SHANK2: variants seen among roughly 807,000 people sequenced by gnomAD.
The protein encoded by SHANK2 is SH3 and multiple ankyrin repeat domains 2, also known as SH3 and multiple ankyrin repeat domains protein 2.
SHANK2 carries 43 observed loss-of-function variants against 133.7 expected under a neutral mutation model. That is an observed-to-expected ratio of 0.32 (90% CI 0.25 to 0.41). The LOEUF (loss-of-function observed/expected upper bound fraction) is 0.41. Ranked by LOEUF, SHANK2 falls within the 10% of genes least tolerant of loss-of-function variation. The pLI is 1.00. For synonymous variants in SHANK2, 1,017 were observed against 952.8 expected, an observed-to-expected ratio of 1.07 and a Z score of -1.24; for missense variants, 1,994 against 2,235.8, an observed-to-expected ratio of 0.89 and a Z score of 2.18.
At chr11:70,931,987 T>C (rs538785628) in intron 10 of SHANK2, among the ~76,000 whole-genome samples, 34 of 152,322 alleles carry the variant, frequency 2.2e-4, no homozygotes, top group African/African-American at 8.2e-4. Flanking sequence ...AGCCTCTACG[T>C]GCAGTATTTA....
At chr11:71,165,251 C>G (rs1409819085) in intron 2 of SHANK2, among the ~76,000 whole-genome samples, 2 of 152,132 alleles carry the variant, frequency 1.3e-5, no homozygotes, top group Non-Finnish European at 2.9e-5. Context: ...TCAGGCTGGA[C>G]TTGAACTCCT....
chr11:70,791,036 C>G (rs1026036642), intron 14 of SHANK2, among the ~76,000 whole-genome samples: 1 of 152,140 alleles, frequency 6.6e-6, no homozygotes, highest in Non-Finnish European at 1.5e-5. Flanking sequence ...CAGAAGAGAC[C>G]ACACTGGGTG....
chr11:70,646,829 T>TTTATTTAA (rs1491262147), intron 17 of SHANK2, among the ~76,000 whole-genome samples: 1 of 81,906 alleles, frequency 1.2e-5, no homozygotes, highest in Non-Finnish European at 2.7e-5. Context: ...CTTTTATTTA[T>TTTATTTAA]TTTATTTATT....
chr11:70,540,861 AC>A (rs1471413931), intron 17 of SHANK2, among the ~76,000 whole-genome samples: 1 of 148,768 alleles, frequency 6.7e-6, no homozygotes, highest in East Asian at 1.9e-4. Context: ...AAAAAAAAAA[AC>A]TCAGATATAA....
At chr11:71,238,604 G>T (rs1464188318) in intron 1 of SHANK2, among the ~76,000 whole-genome samples, 5 of 152,222 alleles carry the variant, frequency 3.3e-5, no homozygotes, top group Admixed American at 2.0e-4. Flanking sequence ...GGAGAGGCCA[G>T]AGGCCCCTCC....
At chr11:70,508,047 G>A (rs534222384) in intron 17 of SHANK2, among the ~76,000 whole-genome samples, 7 of 152,196 alleles carry the variant, frequency 4.6e-5, no homozygotes, top group Non-Finnish European at 1.0e-4. Context: ...GGCACAGGCC[G>A]TGACAGTGTG....
chr11:70,779,950 T>TCAGGGCACATCG (rs6144382), intron 14 of SHANK2, among the ~76,000 whole-genome samples: 1 of 151,786 alleles, frequency 6.6e-6, no homozygotes, highest in Non-Finnish European at 1.5e-5. Flanking sequence ...GTCGGTCCCA[T>TCAGGGCACATCG]CAGGACTCTC....
At chr11:70,816,678 C>T (rs188078532) in intron 12 of SHANK2, among the ~76,000 whole-genome samples, 73 of 152,312 alleles carry the variant, frequency 4.8e-4, no homozygotes, top group African/African-American at 1.6e-3. Flanking sequence ...GGGGCTCAGC[C>T]ACCTCCTGGA....
chr11:70,761,090 G>A (rs1283636421), intron 14 of SHANK2, among the ~76,000 whole-genome samples: 1 of 152,156 alleles, frequency 6.6e-6, no homozygotes, highest in Non-Finnish European at 1.5e-5. Context: ...TGGGTCTCTG[G>A]ATAAATGAGA....
chr11:70,485,609 G>A lies in SHANK2; in HGVS notation c.4684C>T (p.Leu1562Phe). The change falls in exon 25 of 26, where the codon CTT becomes TTT. Residue 1562 changes from leucine to phenylalanine, a missense_variant. By Grantham distance (22) the Leu-to-Phe change is conservative. Coordinates refer to ENST00000601538, the MANE Select transcript of SHANK2 (RefSeq NM_012309.5). This position sits in a 1 kb window ranked among gnomAD's most constrained non-coding sequence, Gnocchi z 5.8. ...MKPIIHKSNA[L>F]YQDALVEEDV... ...TCTTCCACGAGCGCGTCTTGATAAA[G>A]TGCATTGCTTTTGTGAATGATGGGC... 1.2e-6 allele frequency: 2 copies of A among 1,614,014 alleles called. No homozygotes were observed. The highest frequency in any genetic ancestry group is 1.7e-6 in the Non-Finnish European group (2 of 1,180,044).
intron 12 of SHANK2, among the ~76,000 whole-genome samples, chr11:70,811,971 C>T: frequency 6.6e-6 from 1 of 152,232 alleles, no homozygotes; most frequent in East Asian, 1.9e-4. Context: ...AGTTAGCTAC[C>T]TCTCAAAGCC....
chr11:70,504,921 C>CTCAT (rs563840936), intron 17 of SHANK2, among the ~76,000 whole-genome samples: 3 of 152,084 alleles, frequency 2.0e-5, no homozygotes, highest in Non-Finnish European at 4.4e-5. Flanking sequence ...GTGGCTGTTG[C>CTCAT]TCATTCATTC....
chr11:71,181,999 G>T (rs2135548545), intron 2 of SHANK2, among the ~76,000 whole-genome samples: 2 of 152,274 alleles, frequency 1.3e-5, no homozygotes, highest in South Asian at 4.2e-4. Context: ...CTGGCAGGGG[G>T]TCCCTCTCTA....
chr11:71,098,409 G>A (rs904429636), intron 6 of SHANK2, among the ~76,000 whole-genome samples: 1 of 152,228 alleles, frequency 6.6e-6, no homozygotes, highest in Admixed American at 6.5e-5. Flanking sequence ...CCTATGAGGG[G>A]AAGTGACTGG....
At chr11:70,573,319 T>TGG (rs1174423851) in intron 17 of SHANK2, among the ~76,000 whole-genome samples, 30 of 2,710 alleles carry the variant, frequency 0.011, no homozygotes, top group Non-Finnish European at 0.031. Context: ...ACTCCAGCGG[T>TGG]GGGGGGGGGG....
At chr11:71,071,081 CAG>C (rs1237302358) in intron 9 of SHANK2, among the ~76,000 whole-genome samples, 1 of 152,092 alleles carries the variant, frequency 6.6e-6, no homozygotes, top group Non-Finnish European at 1.5e-5. Flanking sequence ...TGACAAAAAA[CAG>C]ACTTTTCTTG....
chr11:70,949,592 C>G (rs7395247), intron 10 of SHANK2, among the ~76,000 whole-genome samples: 30,972 of 152,234 alleles, frequency 0.2, 3,342 homozygotes, highest in Middle Eastern at 0.31. Context: ...GGGCTCCAGA[C>G]TAGGGCACCA....
At chr11:70,944,384 C>A (rs1287621020) in intron 10 of SHANK2, among the ~76,000 whole-genome samples, 2 of 152,206 alleles carry the variant, frequency 1.3e-5, no homozygotes, top group East Asian at 1.9e-4. Context: ...GTCTTCCTGT[C>A]CCCTGGCTCA....
At chr11:70,938,342 CA>C (rs1409577045) in intron 10 of SHANK2, among the ~76,000 whole-genome samples, 3 of 152,064 alleles carry the variant, frequency 2.0e-5, no homozygotes, top group Middle Eastern at 3.2e-3. Context: ...AAGGTAGAAC[CA>C]CTTCATGAAT....
Sources: allele counts gnomAD v4.1 joint callset (sites outside exome capture counted in the v4.1 genomes callset), GRCh38; gene constraint gnomAD v4.1.1; non-coding constraint Gnocchi (gnomAD v3.1); transcripts MANE v1.5; gene names NCBI Gene and HGNC (gene_info 2026-07-23, HGNC 2026-07-21).